The following CTNNA3 variants were observed in gnomAD, a reference collection of about 807,000 sequenced individuals.
CTNNA3 encodes the protein catenin alpha-3.
CTNNA3 carries 76 observed loss-of-function variants against 95.7 expected under a neutral mutation model. The observed-to-expected ratio is 0.79, with a 90% CI of 0.66 to 0.96. The LOEUF is 0.96. CTNNA3 is among the 40% of genes least tolerant of loss of function. The pLI is 0.00. For synonymous variants in CTNNA3, 431 were observed against 374.4 expected, an observed-to-expected ratio of 1.15 and a Z score of -1.74; for missense variants, 1,191 against 1,089.8, an observed-to-expected ratio of 1.09 and a Z score of -1.31.
chr10:66,652,097 TAA>T (rs59359956), intron 9 of CTNNA3, among the ~76,000 whole-genome samples: 5 of 122,406 alleles, frequency 4.1e-5, no homozygotes, highest in Non-Finnish European at 8.9e-5. Context: ...CTCAAGGAAC[TAA>T]AAAAAAAAAA....
At chr10:66,134,153 A>T (rs901760434) in intron 13 of CTNNA3, among the ~76,000 whole-genome samples, 1 of 152,108 alleles carries the variant, frequency 6.6e-6, no homozygotes, top group Non-Finnish European at 1.5e-5. Context: ...TGTATAAAAA[A>T]CTCATAAAAA....
intron 13 of CTNNA3, among the ~76,000 whole-genome samples, chr10:66,259,719 G>A (rs926642635): frequency 3.9e-5 from 6 of 152,092 alleles, no homozygotes; most frequent in African/African-American, 1.4e-4. Flanking sequence ...TTTCTCTGCT[G>A]CAATCTCCAG....
intron 7 of CTNNA3, among the ~76,000 whole-genome samples, chr10:67,152,187 T>G (rs1861114590): frequency 6.6e-6 from 1 of 152,210 alleles, no homozygotes; most frequent in African/African-American, 2.4e-5. Context: ...ACTTGGAGAC[T>G]TCCCTTCAGC....
At chr10:66,083,807 G>C (rs1408221866) in intron 14 of CTNNA3, among the ~76,000 whole-genome samples, 2 of 152,034 alleles carry the variant, frequency 1.3e-5, no homozygotes, top group Non-Finnish European at 2.9e-5. Flanking sequence ...ATGGCTTTCT[G>C]AGCACTCACT....
At chr10:66,429,237 G>A (rs1222800029) in intron 11 of CTNNA3, among the ~76,000 whole-genome samples, 3 of 152,020 alleles carry the variant, frequency 2.0e-5, no homozygotes, top group Non-Finnish European at 2.9e-5. Flanking sequence ...ACCAATAACA[G>A]ACTCTGAAAT....
intron 10 of CTNNA3, among the ~76,000 whole-genome samples, chr10:66,594,380 T>C (rs1843644653): frequency 1.3e-5 from 2 of 152,152 alleles, no homozygotes; most frequent in Non-Finnish European, 2.9e-5. Context: ...TTATAATCCA[T>C]TTGTCATACA....
chr10:66,331,847 T>A (rs1039820031), intron 12 of CTNNA3, among the ~76,000 whole-genome samples: 1 of 152,006 alleles, frequency 6.6e-6, no homozygotes, highest in African/African-American at 2.4e-5. Flanking sequence ...AGAAAGTCAT[T>A]GGTAGCTTGA....
At chr10:66,966,323 T>C (rs554815681) in intron 7 of CTNNA3, among the ~76,000 whole-genome samples, 1 of 152,150 alleles carries the variant, frequency 6.6e-6, no homozygotes, top group African/African-American at 2.4e-5. Flanking sequence ...TCATTTTTGA[T>C]GTACAGAATT....
At chr10:67,657,550 T>A (rs1840059397) in intron 1 of CTNNA3, among the ~76,000 whole-genome samples, 1 of 151,960 alleles carries the variant, frequency 6.6e-6, no homozygotes, top group Non-Finnish European at 1.5e-5. Context: ...TCTGGACAGA[T>A]GGATTAGAAA....
chr10:66,362,530 C>T (rs542974417), intron 12 of CTNNA3, among the ~76,000 whole-genome samples: 311 of 151,814 alleles, frequency 2.0e-3, no homozygotes, highest in African/African-American at 7.4e-3. Flanking sequence ...GGCCAACATG[C>T]TGAAACCCTA....
At chr10:66,841,461 C>T (rs563990344) in intron 7 of CTNNA3, among the ~76,000 whole-genome samples, 81 of 152,194 alleles carry the variant, frequency 5.3e-4, no homozygotes, top group African/African-American at 1.9e-3. Context: ...ATTGACAATG[C>T]TTATGTTAAA....
chr10:66,318,633 A>G (rs1474241600), intron 12 of CTNNA3, among the ~76,000 whole-genome samples: 1 of 151,944 alleles, frequency 6.6e-6, no homozygotes, highest in Non-Finnish European at 1.5e-5. Context: ...GGTCATCCCT[A>G]TTCTCCAACA....
intron 7 of CTNNA3, among the ~76,000 whole-genome samples, chr10:67,094,993 G>A (rs928693867): frequency 6.0e-5 from 9 of 151,208 alleles, no homozygotes; most frequent in African/African-American, 2.2e-4. Context: ...GAAACTATAA[G>A]TAATTGGCTT....
intron 7 of CTNNA3, among the ~76,000 whole-genome samples, chr10:67,164,072 ATTC>A (rs1332267350): frequency 7.3e-6 from 1 of 137,268 alleles, no homozygotes; most frequent in Admixed American, 6.8e-5. Context: ...AGTTTTTATA[ATTC>A]TTATAAAACC....
intron 7 of CTNNA3, among the ~76,000 whole-genome samples, chr10:66,879,864 G>C (rs1844776918): frequency 6.6e-6 from 1 of 152,066 alleles, no homozygotes; most frequent in African/African-American, 2.4e-5. Flanking sequence ...GTTGGAGATA[G>C]ATGCATAGGG....
chr10:66,888,941 A>G (rs527388380), intron 7 of CTNNA3, among the ~76,000 whole-genome samples: 12 of 152,246 alleles, frequency 7.9e-5, no homozygotes, highest in Non-Finnish European at 1.3e-4. Flanking sequence ...AACTTCATTT[A>G]TACTTGCCAA....
intron 11 of CTNNA3, among the ~76,000 whole-genome samples, chr10:66,488,561 A>G (rs1361724050): frequency 6.6e-6 from 1 of 152,184 alleles, no homozygotes; most frequent in Non-Finnish European, 1.5e-5. Context: ...GCATTTCCTG[A>G]TTAGAATGCC....
intron 1 of CTNNA3, among the ~76,000 whole-genome samples, chr10:67,716,480 C>T (rs1051066668): frequency 1.3e-5 from 2 of 152,162 alleles, no homozygotes; most frequent in Non-Finnish European, 2.9e-5. Flanking sequence ...CTAGCCTCCA[C>T]CCCTCAACAG....
At chr10:66,898,366 AT>A (rs35753782) in intron 7 of CTNNA3, among the ~76,000 whole-genome samples, 46,371 of 152,060 alleles carry the variant, frequency 0.3, 8,421 homozygotes, top group East Asian at 0.47. Context: ...ACTACAAAGT[AT>A]CTGTAAAGCT....
Sources: gnomAD v4.1 joint callset for allele counts (sites outside exome capture counted in the v4.1 genomes callset) on GRCh38, gnomAD v4.1.1 for gene constraint, MANE v1.5 for transcripts, NCBI Gene and HGNC (gene_info 2026-07-23, HGNC 2026-07-21) for gene names.